PLEKHA7: variants seen among roughly 807,000 people sequenced by gnomAD.
PLEKHA7 encodes pleckstrin homology domain-containing family A member 7.
A neutral mutation model predicts 170.0 loss-of-function variants in PLEKHA7; 104 were observed. The ratio of observed to expected loss-of-function variants is 0.61; its 90% CI spans 0.52 to 0.72. The LOEUF (loss-of-function observed/expected upper bound fraction) is 0.72. PLEKHA7 is among the 30% of genes least tolerant of loss of function. The pLI, the probability that PLEKHA7 is intolerant of heterozygous loss-of-function variation, is 0.00. For synonymous variants in PLEKHA7, 648 were observed against 660.8 expected (o/e 0.98, Z 0.30); for missense variants, 1,615 against 1,671.7 (o/e 0.97, Z 0.59).
chr11:16,886,712 A>C lies in PLEKHA7; in HGVS notation c.222-15530T>G, dbSNP rs937008501. ...GGTGACACAGCGAGACTCTGTCTCA[A>C]AAAAAAAAAAAAAAAAAGCCCACAA... On this transcript the variant is annotated intron_variant, in intron 3 of 26. Transcript: ENST00000531066. Among the ~76,000 whole-genome samples, 5 of 144,124 alleles carry C rather than the reference A, an allele frequency of 3.5e-5. No individual in the cohort carries two copies. In the South Asian group the frequency reaches 1.1e-3, roughly 30 times the overall value. The allele number at this position is 144,124 out of a possible 152,430, so 94.6% of individuals were successfully genotyped here.
chr11:17,008,148 C>T (rs1865124541), intron 3 of PLEKHA7, among the ~76,000 whole-genome samples: 1 of 152,068 alleles, frequency 6.6e-6, no homozygotes, highest in Non-Finnish European at 1.5e-5. Context: ...GGGACAGGCA[C>T]CCACAAGAAG....
At chr11:16,979,633 C>A (rs1224469421) in intron 3 of PLEKHA7, among the ~76,000 whole-genome samples, 1 of 152,040 alleles carries the variant, frequency 6.6e-6, no homozygotes, top group Non-Finnish European at 1.5e-5. Flanking sequence ...AAGCCTTTTA[C>A]CATTTTTGTT....
chr11:16,782,353 A>G (rs1419912952), intron 26 of PLEKHA7, among the ~76,000 whole-genome samples: 2 of 152,178 alleles, frequency 1.3e-5, no homozygotes, highest in Non-Finnish European at 2.9e-5. Context: ...GCCTTGCCCC[A>G]GCAAGAAATC....
chr11:16,927,563 T>C (rs1054434840), intron 3 of PLEKHA7, among the ~76,000 whole-genome samples: 1 of 152,162 alleles, frequency 6.6e-6, no homozygotes, highest in Non-Finnish European at 1.5e-5. Context: ...ATAGAAGCCC[T>C]GGGTCATCCA....
chr11:16,861,472 G>A (rs1252797795), intron 4 of PLEKHA7, among the ~76,000 whole-genome samples: 1 of 151,826 alleles, frequency 6.6e-6, no homozygotes, highest in African/African-American at 2.4e-5. Context: ...AACATAATGA[G>A]ACCCCGTCTC....
At chr11:16,970,930 A>G (rs939119647) in intron 3 of PLEKHA7, among the ~76,000 whole-genome samples, 1 of 152,226 alleles carries the variant, frequency 6.6e-6, no homozygotes, top group Non-Finnish European at 1.5e-5. Context: ...TAATTATACA[A>G]TAAATAGGTC....
At chr11:17,004,526 G>A (rs4756882) in intron 3 of PLEKHA7, among the ~76,000 whole-genome samples, 95,631 of 151,638 alleles carry the variant, frequency 0.63, 30,819 homozygotes, top group East Asian at 0.96. Context: ...CCGAGTAGCT[G>A]GGATTACAGG....
At chr11:16,841,966 C>T (rs939294531) in intron 8 of PLEKHA7, among the ~76,000 whole-genome samples, 2 of 152,166 alleles carry the variant, frequency 1.3e-5, no homozygotes, top group Non-Finnish European at 2.9e-5. Flanking sequence ...TTATCTTACT[C>T]CTGCTTTGGG....
intron 10 of PLEKHA7, among the ~76,000 whole-genome samples, chr11:16,818,075 C>G (rs906923782): frequency 2.3e-5 from 2 of 86,586 alleles, no homozygotes; most frequent in African/African-American, 6.8e-5. Context: ...CACCCCTACA[C>G]CTGCTGGTGC....
chr11:16,888,169 C>T (rs1342330917), intron 3 of PLEKHA7, among the ~76,000 whole-genome samples: 3 of 149,940 alleles, frequency 2.0e-5, no homozygotes, highest in African/African-American at 4.9e-5. Context: ...AGCCGTCCCC[C>T]TCTGGGAAGT....
chr11:16,802,246 T>C (rs1378376301), intron 15 of PLEKHA7, among the ~76,000 whole-genome samples: 1 of 152,254 alleles, frequency 6.6e-6, no homozygotes, highest in Non-Finnish European at 1.5e-5. Context: ...CAAATGTTGG[T>C]GGCCCCTGGC....
chr11:16,868,724 G>A (rs1216827086), intron 4 of PLEKHA7, among the ~76,000 whole-genome samples: 1 of 152,174 alleles, frequency 6.6e-6, no homozygotes, highest in East Asian at 1.9e-4. Context: ...ATGACATCCA[G>A]GAGATGGGAT....
In PLEKHA7 at chr11:16,817,474, G is replaced by A; in HGVS notation, c.1344-152C>T. ...ATCAAGGCCGACATCCAGGACTTCA[G>A]TCACTTCCCCTTTTGGCAGACGACT... is the stretch of plus-strand genomic sequence containing the variant. On this transcript the variant is annotated intron_variant, in intron 10 of 26. Transcript: ENST00000531066. This position sits in a 1 kb window ranked among gnomAD's most constrained non-coding sequence, Gnocchi z 4.4. 1 of 714,630 alleles carries A rather than the reference G, an allele frequency of 1.4e-6. No individual in the cohort carries two copies. Among genetic ancestry groups the A allele is most frequent in the Non-Finnish European group, 2.1e-6 (1 of 468,896 alleles). 44.3% of individuals were successfully genotyped at this position (714,630 alleles called of 1,614,324 possible).
At position 16,854,991 on chromosome 11, in the gene PLEKHA7, G is replaced by C. The variant is rs767213470; in HGVS notation, c.420C>G (p.Ile140Met). ...STLEAKPGPK[I>M]IKSSSKVHSF... ...TGTGGACTTTACTGCTGGACTTTAT[G>C]ATCTATGAAAAAGCAGACTGAACTT... Residue 140 changes from isoleucine to methionine, a missense_variant and splice_region_variant, in exon 6 of 27, where the codon ATC becomes ATG. Coordinates refer to ENST00000531066, the MANE Select transcript of PLEKHA7 (RefSeq NM_001329630.2). The C allele has an allele frequency of 1.1e-5, 17 of 1,613,536 alleles. No homozygotes were observed. Among genetic ancestry groups the C allele is most frequent in the Non-Finnish European group, 1.4e-5 (17 of 1,179,528 alleles).
chr11:16,825,281 A>G (rs965238200), intron 10 of PLEKHA7, among the ~76,000 whole-genome samples: 4 of 152,244 alleles, frequency 2.6e-5, no homozygotes, highest in Non-Finnish European at 4.4e-5. Context: ...GCCAACAGGG[A>G]GAATGAAGTG....
At chr11:16,824,680 T>C (rs1179918029) in intron 10 of PLEKHA7, among the ~76,000 whole-genome samples, 1 of 152,254 alleles carries the variant, frequency 6.6e-6, no homozygotes, top group Non-Finnish European at 1.5e-5. Context: ...TGCAATAGCC[T>C]CCTTCCTAGG....
At chr11:16,890,836 C>G (rs538104036) in intron 3 of PLEKHA7, among the ~76,000 whole-genome samples, 15 of 152,052 alleles carry the variant, frequency 9.9e-5, no homozygotes, top group Non-Finnish European at 2.2e-4. Flanking sequence ...TTAATTTCCA[C>G]TAACATGAAA....
At chr11:16,878,124 C>A (rs928689711) in intron 3 of PLEKHA7, among the ~76,000 whole-genome samples, 7 of 152,132 alleles carry the variant, frequency 4.6e-5, no homozygotes, top group Admixed American at 1.3e-4. Flanking sequence ...CTTTAACCTC[C>A]ATGTACAATA....
chr11:16,898,682 A>T (rs1441850371), intron 3 of PLEKHA7, among the ~76,000 whole-genome samples: 1 of 152,144 alleles, frequency 6.6e-6, no homozygotes, highest in African/African-American at 2.4e-5. Flanking sequence ...ACTTCCTAGG[A>T]AGTGTTTCTG....
Sources: allele counts gnomAD v4.1 joint callset (sites outside exome capture counted in the v4.1 genomes callset), GRCh38; gene constraint gnomAD v4.1.1; non-coding constraint Gnocchi (gnomAD v3.1); transcripts MANE v1.5; gene names NCBI Gene and HGNC (gene_info 2026-07-23, HGNC 2026-07-21).